The following KIZ variants were observed in gnomAD, a reference collection of about 807,000 sequenced individuals.
KIZ encodes the protein centrosomal protein kizuna.
KIZ carries 68 observed loss-of-function variants against 79.6 expected under a neutral mutation model. That is an observed-to-expected ratio of 0.85 (90% CI 0.70 to 1.05). The LOEUF is 1.05. Among genes scored for constraint, KIZ ranks in the 50% least tolerant of loss-of-function variants. KIZ has a pLI of 0.00. For synonymous variants in KIZ, 280 were observed against 281.8 expected (o/e 0.99, Z 0.06); for missense variants, 797 against 800.4 (o/e 1.00, Z 0.05).
At chr20:21,204,105 G>GTTTTTTTT (rs71330816) in intron 6 of KIZ, among the ~76,000 whole-genome samples, 4 of 74,998 alleles carry the variant, frequency 5.3e-5, no homozygotes, top group African/African-American at 5.5e-5. Flanking sequence ...AGTCATCTAT[G>GTTTTTTTT]TTTTTTTTTT....
intron 3 of KIZ, chr20:21,143,960 A>C (rs1216164208): frequency 2.0e-5 from 3 of 152,202 alleles, no homozygotes; most frequent in Non-Finnish European, 4.4e-5. Context: ...TTATCATTGT[A>C]TCTCTCTGAC....
rs986319019 is a variant in KIZ, at chr20:21,141,587, C to G, written c.316-3978C>G. Among the ~76,000 whole-genome samples the G allele has an allele frequency of 5.9e-5, 9 of 151,972 alleles. No homozygotes were observed. In the East Asian group the frequency reaches 1.6e-3, roughly 26 times the overall value. Reference sequence around the variant, plus strand: ...TCCTAGGGATGTGTGTAGAACGTTGCCAGCATCTGCCTTAGCCTACCTCAT... The same window carrying G: ...TCCTAGGGATGTGTGTAGAACGTTGGCAGCATCTGCCTTAGCCTACCTCAT... On this transcript the variant is annotated intron_variant, in intron 3 of 12. Coordinates refer to ENST00000619189, the MANE Select transcript of KIZ (RefSeq NM_018474.6).
intron 4 of KIZ, chr20:21,151,871 G>A (rs1295411173): frequency 6.6e-6 from 1 of 152,218 alleles, no homozygotes; most frequent in Non-Finnish European, 1.5e-5. Context: ...AATATAGTCT[G>A]CGTGTTGCAA....
chr20:21,193,140 A>G (rs191599016), intron 6 of KIZ, among the ~76,000 whole-genome samples: 1 of 152,290 alleles, frequency 6.6e-6, no homozygotes, highest in East Asian at 1.9e-4. Context: ...ATTTTGGGAT[A>G]TCAGCTTCTG....
chr20:21,229,140 C>T (rs1436656778), intron 10 of KIZ, 25 bp downstream of exon 10: 1 of 1,355,006 alleles, frequency 7.4e-7, no homozygotes, highest in South Asian at 1.2e-5. Context: ...ATGGCAGTGT[C>T]CAGGGGCCCA....
intron 6 of KIZ, among the ~76,000 whole-genome samples, chr20:21,165,033 G>A (rs913210041): frequency 5.3e-5 from 8 of 152,224 alleles, no homozygotes; most frequent in East Asian, 1.9e-4. Context: ...TTTAACTGGC[G>A]CTCTTCTCCT....
chr20:21,184,332 G>A (rs1451274646), intron 6 of KIZ, among the ~76,000 whole-genome samples: 4 of 152,012 alleles, frequency 2.6e-5, no homozygotes, highest in Non-Finnish European at 4.4e-5. Context: ...TGTATTTTTA[G>A]TAGAGACGGG....
intron 6 of KIZ, among the ~76,000 whole-genome samples, chr20:21,192,974 A>G (rs2035179670): frequency 6.6e-6 from 1 of 152,086 alleles, no homozygotes; most frequent in African/African-American, 2.4e-5. Context: ...ACCATAGGTG[A>G]TTGTTTTCTT....
chr20:21,129,178 G>A (rs2031679591), intron 1 of KIZ, among the ~76,000 whole-genome samples: 1 of 152,172 alleles, frequency 6.6e-6, no homozygotes, highest in South Asian at 2.1e-4. Context: ...GTGTGGATGA[G>A]GGGCTAGAAA....
At position 21,215,572 on chromosome 20, in the gene KIZ, T is replaced by C. The variant is rs770229434; in HGVS notation, c.1613-11T>C. 1 of 1,558,600 alleles carries C rather than the reference T, an allele frequency of 6.4e-7. No homozygotes were observed. Among genetic ancestry groups the C allele is most frequent in the South Asian group, 1.1e-5 (1 of 86,984 alleles). ...GAAATACTTTTTTTTTATTATGCAT[T>C]CAATTTTTAGAAGTTTCAAGTGGCT... On this transcript the variant is annotated splice_polypyrimidine_tract_variant and intron_variant, in intron 8 of 12. Transcript: ENST00000619189.
At chr20:21,246,275 G>A (rs1272235346) in intron 12 of KIZ, 1 of 578,592 alleles carries the variant, frequency 1.7e-6, no homozygotes, top group African/African-American at 1.9e-5. Context: ...TTCCATAACA[G>A]TGCAGAGGAC....
chr20:21,170,415 GTCTC>G (rs2034150793), intron 6 of KIZ, among the ~76,000 whole-genome samples: 1 of 146,826 alleles, frequency 6.8e-6, no homozygotes, highest in Non-Finnish European at 1.5e-5. Flanking sequence ...TTGAGACGGA[GTCTC>G]TCTCTGTCGC....
At chr20:21,206,917 G>A (rs563483076) in intron 7 of KIZ, among the ~76,000 whole-genome samples, 7 of 152,250 alleles carry the variant, frequency 4.6e-5, no homozygotes, top group South Asian at 2.1e-4. Flanking sequence ...GGGAGGAACC[G>A]GAAGCCCAAC....
intron 11 of KIZ, among the ~76,000 whole-genome samples, chr20:21,234,751 A>AG (rs1031555970): frequency 6.0e-5 from 9 of 150,330 alleles, no homozygotes; most frequent in African/African-American, 2.2e-4. Context: ...CAAAAAAAGA[A>AG]AAAAAAAAAA....
chr20:21,161,234 C>A (rs921163527), intron 4 of KIZ, among the ~76,000 whole-genome samples: 1 of 152,004 alleles, frequency 6.6e-6, no homozygotes, highest in Non-Finnish European at 1.5e-5. Flanking sequence ...GGTACTAGAC[C>A]CTTATCAGAT....
At chr20:21,154,074 A>T (rs1379292944) in intron 4 of KIZ, 1 of 152,168 alleles carries the variant, frequency 6.6e-6, no homozygotes, top group African/African-American at 2.4e-5. Context: ...TCTCAATGTG[A>T]CTTAAGAACT....
At chr20:21,157,272 T>C (rs1299461912) in intron 4 of KIZ, among the ~76,000 whole-genome samples, 1 of 152,184 alleles carries the variant, frequency 6.6e-6, no homozygotes, top group African/African-American at 2.4e-5. Context: ...CCACAGACTT[T>C]TATTTTTACA....
At chr20:21,241,646 A>C (rs2037220401) in intron 11 of KIZ, among the ~76,000 whole-genome samples, 1 of 152,238 alleles carries the variant, frequency 6.6e-6, no homozygotes, top group Non-Finnish European at 1.5e-5. Flanking sequence ...AGCAAGTTCA[A>C]GTGGCCTCAT....
chr20:21,237,814 G>A (rs1365994935), intron 11 of KIZ, among the ~76,000 whole-genome samples: 1 of 152,088 alleles, frequency 6.6e-6, no homozygotes, highest in Non-Finnish European at 1.5e-5. Flanking sequence ...CTCCCGCAGT[G>A]GGGCAGGCTT....
Sources: allele counts gnomAD v4.1 joint callset (sites outside exome capture counted in the v4.1 genomes callset), GRCh38; gene constraint gnomAD v4.1.1; transcripts MANE v1.5; gene names NCBI Gene and HGNC (gene_info 2026-07-23, HGNC 2026-07-21).